The following PON2 variants were observed in gnomAD, a reference collection of about 807,000 sequenced individuals.
PON2 encodes the protein serum paraoxonase/arylesterase 2.
PON2 carries 27 observed loss-of-function variants against 36.6 expected under a neutral mutation model. That is an observed-to-expected ratio of 0.74 (90% CI 0.54 to 1.02). The LOEUF (loss-of-function observed/expected upper bound fraction) is 1.02, where lower values mean the gene tolerates loss of function less well. Among genes scored for constraint, PON2 ranks in the 50% least tolerant of loss-of-function variants. The probability of loss-of-function intolerance (pLI) is 0.00; values close to 1 mark genes in which losing one functional copy is unlikely to be tolerated. For missense variants in PON2, 363 were observed against 421.1 expected, an observed-to-expected ratio of 0.86 and a Z score of 1.21; for synonymous variants, 149 against 156.3, an observed-to-expected ratio of 0.95 and a Z score of 0.35.
Position 95,406,109 on chromosome 7 carries a change from A to G in PON2, c.906+10T>C, listed in dbSNP as rs752168851. On this transcript the variant is annotated intron_variant, in intron 8 of 8. Coordinates refer to ENST00000222572, the MANE Select transcript of PON2 (RefSeq NM_000305.3). ...AATAATTAAGTTTAAAAAACTGAAA[A>G]TATAAAAACCTCTGACGAGGGAGGA... is the stretch of plus-strand genomic sequence containing the variant. 1.2e-6 allele frequency: 2 copies of G among 1,612,858 alleles called. No homozygotes were observed. Among genetic ancestry groups the G allele is most frequent in the East Asian group, 2.2e-5 (1 of 44,864 alleles).
In PON2 at chr7:95,410,008, G is replaced by A; in HGVS notation, c.588C>T (p.Tyr196=). Residue 196 remains tyrosine (Y), a synonymous_variant, in exon 6 of 9, where the codon TAC becomes TAT. Coordinates refer to ENST00000222572, the MANE Select transcript of PON2 (RefSeq NM_000305.3). ...CAACATTTGCCCAGTGTAAGTTCAA[G>A]TATGTTTCTAAATACTTTAAGAAAG... ...SDPFLKYLET[Y]LNLHWANVVY... The A allele has an allele frequency of 2.5e-6, 4 of 1,613,696 alleles. No homozygotes were observed. The highest frequency in any genetic ancestry group is 3.4e-6 in the Non-Finnish European group (4 of 1,179,734).
chr7:95,411,816 A>G lies in PON2; in HGVS notation c.368-37T>C, dbSNP rs527881071. ...AAAGAACAGAGTTAATTTACAAGACATAACTACGGGACCTCTGGGCAGGCA... is the reference window on the plus strand; with the variant it reads ...AAAGAACAGAGTTAATTTACAAGACGTAACTACGGGACCTCTGGGCAGGCA... On this transcript the variant is annotated intron_variant, in intron 4 of 8. Transcript: ENST00000222572. 16 of 1,609,344 alleles carry G rather than the reference A, an allele frequency of 9.9e-6. 1 individual carries two copies. Among genetic ancestry groups the G allele is most frequent in the Middle Eastern group, 1.9e-4 (1 of 5,302 alleles).
chr7:95,432,466 T>C (rs151104449), intron 1 of PON2, among the ~76,000 whole-genome samples: 42 of 151,992 alleles, frequency 2.8e-4, no homozygotes, highest in Admixed American at 1.6e-3. Context: ...AAATAAACTA[T>C]CAGGCATTCT....
Position 95,410,049 on chromosome 7 carries a change from G to C in PON2, c.547C>G (p.His183Asp). 2 of 1,613,720 alleles carry C rather than the reference G, an allele frequency of 1.2e-6. No individual in the cohort carries two copies. Among genetic ancestry groups the C allele is most frequent in the Non-Finnish European group, 1.7e-6 (2 of 1,179,820 alleles). Residue 183 changes from histidine to aspartate, a missense_variant, in exon 6 of 9, where the codon CAC becomes GAC. Transcript: ENST00000222572. ...TTTAAGAAAGGATCAGAGAAGTAGT[G>C]GTCATTTGTGGCATAGAAATGTGCC... The part of the protein sequence containing the change: ...GPAHFYATND[H>D]YFSDPFLKYL...
In PON2 at chr7:95,405,470, T is replaced by A. The variant is rs1240941962; in HGVS notation, c.925A>T (p.Ile309Phe). Residue 309 changes from isoleucine (I) to phenylalanine (F), a missense_variant, in exon 9 of 9, where the codon ATT becomes TTT. Physicochemically the swap from Ile to Phe is conservative, Grantham distance 21. Coordinates refer to ENST00000222572, the MANE Select transcript of PON2 (RefSeq NM_000305.3). Reference protein sequence around the residue: ...PSSEVLRIQNILSEKPTVTTV... With the variant: ...PSSEVLRIQNFLSEKPTVTTV... ...GTCACTGTAGGCTTCTCAGATAGAATGTTCTGGATGCGGAGAACCTATTCA... is the reference window on the plus strand; with the variant it reads ...GTCACTGTAGGCTTCTCAGATAGAAAGTTCTGGATGCGGAGAACCTATTCA... The A allele has an allele frequency of 1.9e-6, 3 of 1,613,150 alleles. No individual in the cohort carries two copies. In the South Asian group the frequency reaches 3.3e-5, roughly 18 times the overall value.
intron 2 of PON2, among the ~76,000 whole-genome samples, chr7:95,421,692 G>A (rs1439796872): frequency 6.6e-6 from 1 of 152,158 alleles, no homozygotes; most frequent in Non-Finnish European, 1.5e-5. Context: ...CCAGTCTAGG[G>A]GAGGGGAGGT....
At chr7:95,411,128 T>A (rs1788912624) in intron 5 of PON2, among the ~76,000 whole-genome samples, 1 of 152,194 alleles carries the variant, frequency 6.6e-6, no homozygotes, top group South Asian at 2.1e-4. Flanking sequence ...AGCTTTATGT[T>A]CTTGAAGTGT....
In PON2 at chr7:95,412,382, T is replaced by C. The variant is rs773268912; in HGVS notation, c.297A>G (p.Glu99=). The C allele has an allele frequency of 1.2e-6, 2 of 1,614,216 alleles. No individual in the cohort carries two copies. Among genetic ancestry groups the C allele is most frequent in the South Asian group, 2.2e-5 (2 of 91,088 alleles). ...DLKEEKPRAR[E]LRISRGFDLA... is the part of the protein sequence containing the mutation. ...AATCAAACCCACGACTGATTCTTAA[T>C]TCCCGTGCCCTTGGTTTTTCTTCTT... Residue 99 remains glutamate, a synonymous_variant, in exon 4 of 9, where the codon GAA becomes GAG. Transcript: ENST00000222572.
chr7:95,426,425 A>G (rs1326336198), intron 1 of PON2, among the ~76,000 whole-genome samples: 2 of 152,206 alleles, frequency 1.3e-5, no homozygotes, highest in Non-Finnish European at 1.5e-5. Context: ...CATTCATTTA[A>G]TTCTTCAAAC....
chr7:95,406,200 G>A lies in PON2; in HGVS notation c.825C>T (p.Ser275=). 3 of 1,612,454 alleles carry A rather than the reference G, an allele frequency of 1.9e-6. No homozygotes were observed. The South Asian group carries it at 3.3e-5, about 18-fold the overall frequency. The change falls in exon 8 of 9, where the codon TCC becomes TCT. Residue 275 remains serine (S), a synonymous_variant. Coordinates refer to ENST00000222572, the MANE Select transcript of PON2 (RefSeq NM_000305.3). ...GACAGCCTACCCAGATGTCCCCCGA[G>A]GAAGGATCAATAGATAAATTATCCA... The part of the protein sequence containing the change: ...TLVDNLSIDP[S]SGDIWVGCHP...
At chr7:95,426,509 C>T (rs769162798) in intron 1 of PON2, among the ~76,000 whole-genome samples, 41 of 152,210 alleles carry the variant, frequency 2.7e-4, no homozygotes, top group African/African-American at 8.9e-4. Context: ...AATTTTCCCA[C>T]GGCGCAACTT....
intron 1 of PON2, among the ~76,000 whole-genome samples, chr7:95,427,707 A>G (rs572938561): frequency 6.6e-6 from 1 of 152,298 alleles, no homozygotes; most frequent in East Asian, 1.9e-4. Flanking sequence ...GCTGTTTTTC[A>G]TGTGAGGAAA....
intron 2 of PON2, among the ~76,000 whole-genome samples, chr7:95,423,486 C>G (rs968037605): frequency 2.0e-5 from 3 of 151,994 alleles, no homozygotes; most frequent in African/African-American, 7.3e-5. Context: ...AGAAAAACTG[C>G]AAACACACCA....
At chr7:95,413,132 A>G (rs1048231180) in intron 3 of PON2, 1 of 155,220 alleles carries the variant, frequency 6.4e-6, no homozygotes, top group African/African-American at 2.4e-5. Context: ...AAAAAAAAAA[A>G]AAAAAAAAAA....
In PON2 at chr7:95,410,116, T is replaced by A; in HGVS notation, c.495-15A>T. 6.2e-7 allele frequency: 1 copy of A among 1,607,162 alleles called. No individual in the cohort carries two copies. The highest frequency in any genetic ancestry group is 1.1e-5 in the South Asian group (1 of 90,872). On this transcript the variant is annotated splice_polypyrimidine_tract_variant and intron_variant, in intron 5 of 8. Transcript: ENST00000222572. Reference sequence around the variant, plus strand: ...TGTCATTCACACTGAAAAAGAAAAATAGCATGTGAGAGGAAACAAAAGGCC... The same window carrying A: ...TGTCATTCACACTGAAAAAGAAAAAAAGCATGTGAGAGGAAACAAAAGGCC...
chr7:95,423,189 G>T (rs141169796), intron 2 of PON2, among the ~76,000 whole-genome samples: 22 of 151,902 alleles, frequency 1.4e-4, no homozygotes, highest in African/African-American at 4.8e-4. Context: ...ATGAGTGGGG[G>T]CATGTGCCTG....
At chr7:95,417,696 C>T (rs866271346) in intron 2 of PON2, among the ~76,000 whole-genome samples, 1 of 140,050 alleles carries the variant, frequency 7.1e-6, no homozygotes, top group East Asian at 2.0e-4. Flanking sequence ...CACAGACACA[C>T]ACACACACAC....
rs1789530435 is a variant in PON2, at chr7:95,434,928, G to C, written c.24C>G (p.Gly8=). 6.5e-7 allele frequency: 1 copy of C among 1,536,040 alleles called. No homozygotes were observed. The highest frequency in any genetic ancestry group is 2.0e-5 in the Admixed American group (1 of 50,588). Residue 8 remains glycine, a synonymous_variant, in exon 1 of 9, where the codon GGC becomes GGG. Transcript: ENST00000222572. MGRLVAV[G]LLGIALALLG... is the part of the protein sequence containing the mutation. Reference sequence around the variant, plus strand: ...GGAGCGCCAGCGCGATCCCCAGCAAGCCCACAGCCACCAGCCGCCCCATGG... The same window carrying C: ...GGAGCGCCAGCGCGATCCCCAGCAACCCCACAGCCACCAGCCGCCCCATGG...
intron 2 of PON2, among the ~76,000 whole-genome samples, chr7:95,422,422 A>G (rs1471111777): frequency 1.3e-5 from 2 of 152,168 alleles, no homozygotes; most frequent in African/African-American, 4.8e-5. Flanking sequence ...TTTCCATTTT[A>G]TATCTTTCTA....
Sources: allele counts gnomAD v4.1 joint callset (sites outside exome capture counted in the v4.1 genomes callset), GRCh38; gene constraint gnomAD v4.1.1; transcripts MANE v1.5; gene names NCBI Gene and HGNC (gene_info 2026-07-23, HGNC 2026-07-21).